Variants in CSMD1 observed in about 807,000 individuals in gnomAD.
CSMD1 encodes the protein CUB and sushi domain-containing protein 1.
Under a neutral mutation model 417.5 loss-of-function variants are expected in CSMD1, and 213 were observed. That is an observed-to-expected ratio of 0.51 (90% CI 0.46 to 0.57). The LOEUF (loss-of-function observed/expected upper bound fraction) is 0.57. Ranked by LOEUF, CSMD1 falls within the 20% of genes least tolerant of loss-of-function variation. The pLI, the probability that CSMD1 is intolerant of heterozygous loss-of-function variation, is 0.00. For missense variants in CSMD1, 6,923 were observed against 4,529.7 expected, an observed-to-expected ratio of 1.53 and a Z score of -15.17; for synonymous variants, 2,862 against 1,736.8, an observed-to-expected ratio of 1.65 and a Z score of -16.11.
At chr8:4,967,395 A>G (rs1022354810) in intron 1 of CSMD1, among the ~76,000 whole-genome samples, 1 of 152,158 alleles carries the variant, frequency 6.6e-6, no homozygotes, top group African/African-American at 2.4e-5. Flanking sequence ...CATTTTGCCT[A>G]TAATACATAT....
chr8:3,978,679 C>A (rs1026180378), intron 5 of CSMD1, among the ~76,000 whole-genome samples: 1 of 152,088 alleles, frequency 6.6e-6, no homozygotes, highest in Non-Finnish European at 1.5e-5. Context: ...TACTCCTGCC[C>A]AACCCGGCTC....
At position 4,219,516 on chromosome 8, in the gene CSMD1, T is replaced by G. The variant is rs1331221947; in HGVS notation, c.416-187417A>C. ...TCTTGGGTGTTCCCAACATTTCTCG[T>G]GAACACCGCAAACGTGACTTAAACA... On this transcript the variant is annotated intron_variant, in intron 3 of 69. Transcript: ENST00000635120. Among the ~76,000 whole-genome samples the G allele has an allele frequency of 2.6e-5, 4 of 152,092 alleles. No individual in the cohort carries two copies. The East Asian group carries it at 7.8e-4, about 30-fold the overall frequency.
intron 41 of CSMD1, among the ~76,000 whole-genome samples, chr8:3,120,336 A>C (rs1304214499): frequency 6.6e-6 from 1 of 152,192 alleles, no homozygotes; most frequent in East Asian, 1.9e-4. Context: ...ACATAAAGAT[A>C]ATGTGAGAAC....
intron 2 of CSMD1, among the ~76,000 whole-genome samples, chr8:4,606,081 G>T (rs1477431677): frequency 1.3e-5 from 2 of 152,084 alleles, no homozygotes; most frequent in Non-Finnish European, 2.9e-5. Context: ...GTGGTGGGAG[G>T]CTATATCTCA....
At chr8:4,601,259 T>A (rs184082301) in intron 2 of CSMD1, among the ~76,000 whole-genome samples, 1 of 152,070 alleles carries the variant, frequency 6.6e-6, no homozygotes, top group Admixed American at 6.6e-5. Context: ...CCTGGCCAGA[T>A]TTTTTTTAAA....
chr8:3,452,925 C>A (rs540835970), intron 12 of CSMD1, among the ~76,000 whole-genome samples: 1 of 152,098 alleles, frequency 6.6e-6, no homozygotes, highest in Non-Finnish European at 1.5e-5. Context: ...TGGTAGAATT[C>A]GGCTGTGAAT....
chr8:4,992,847 G>A (rs1811546967), intron 1 of CSMD1, among the ~76,000 whole-genome samples: 1 of 152,292 alleles, frequency 6.6e-6, no homozygotes, highest in East Asian at 1.9e-4. Context: ...CACGAGCTTG[G>A]GTGACTAAGA....
intron 26 of CSMD1, among the ~76,000 whole-genome samples, chr8:3,233,679 T>G (rs1798982630): frequency 6.6e-6 from 1 of 152,198 alleles, no homozygotes; most frequent in African/African-American, 2.4e-5. Context: ...GATTACAGTC[T>G]GAATCCGATA....
At chr8:3,812,291 A>G (rs557888149) in intron 5 of CSMD1, among the ~76,000 whole-genome samples, 1 of 152,204 alleles carries the variant, frequency 6.6e-6, no homozygotes, top group Non-Finnish European at 1.5e-5. Context: ...TGGGGACTCT[A>G]ATCTCACAGG....
intron 3 of CSMD1, among the ~76,000 whole-genome samples, chr8:4,130,736 C>T (rs1241418658): frequency 1.3e-5 from 2 of 151,890 alleles, no homozygotes; most frequent in African/African-American, 4.8e-5. Context: ...TGTCTATCAA[C>T]TCAAAGGAAG....
In CSMD1 at chr8:4,540,443, C is replaced by G. The variant is rs118029432; in HGVS notation, c.302+96899G>C. Among the ~76,000 whole-genome samples, 260 of 152,236 alleles carry G rather than the reference C, an allele frequency of 1.7e-3. 9 individuals are homozygous for G. The highest frequency in any genetic ancestry group is 2.1e-3 in the Non-Finnish European group (142 of 68,024). On this transcript the variant is annotated intron_variant, in intron 2 of 69. Transcript: ENST00000635120. ...TCAGGCCGGGTGCAGTGGCTCATGCCTGTAATTCCAGGACTTAGGGGAGGC... is the reference window on the plus strand; with the variant it reads ...TCAGGCCGGGTGCAGTGGCTCATGCGTGTAATTCCAGGACTTAGGGGAGGC...
intron 1 of CSMD1, among the ~76,000 whole-genome samples, chr8:4,772,212 C>A (rs975381626): frequency 2.0e-5 from 3 of 152,176 alleles, no homozygotes; most frequent in Non-Finnish European, 4.4e-5. Flanking sequence ...TTCTCTGCTT[C>A]CAGCAGCAGC....
intron 2 of CSMD1, among the ~76,000 whole-genome samples, chr8:4,447,527 A>T (rs966652641): frequency 2.6e-5 from 4 of 152,196 alleles, no homozygotes; most frequent in African/African-American, 9.7e-5. Flanking sequence ...CTCTAATCCA[A>T]ATCCCTCACT....
intron 7 of CSMD1, among the ~76,000 whole-genome samples, chr8:3,656,743 T>A (rs1385033680): frequency 6.6e-5 from 10 of 152,048 alleles, no homozygotes; most frequent in Admixed American, 2.0e-4. Context: ...CTGGCTAACA[T>A]GGCGAAACCC....
intron 6 of CSMD1, among the ~76,000 whole-genome samples, chr8:3,712,432 GACAGACAGAC>G (rs201440775): frequency 3.4e-5 from 5 of 146,642 alleles, no homozygotes; most frequent in Non-Finnish European, 6.1e-5. Flanking sequence ...CAGACAGACA[GACAGACAGAC>G]AGAGAGAGAG....
chr8:3,733,476 C>G (rs966120218), intron 6 of CSMD1, among the ~76,000 whole-genome samples: 3 of 151,590 alleles, frequency 2.0e-5, no homozygotes, highest in Admixed American at 1.3e-4. Context: ...GTTTTGCTTT[C>G]AACGGTTTCA....
intron 5 of CSMD1, among the ~76,000 whole-genome samples, chr8:3,933,658 C>G (rs190496360): frequency 6.8e-4 from 104 of 152,238 alleles, no homozygotes; most frequent in African/African-American, 2.4e-3. Flanking sequence ...TTCAGAAAAA[C>G]AGTTATTATT....
chr8:3,754,791 G>C (rs775325049), intron 5 of CSMD1, among the ~76,000 whole-genome samples: 1 of 152,218 alleles, frequency 6.6e-6, no homozygotes, highest in African/African-American at 2.4e-5. Flanking sequence ...TGAAGTAGAC[G>C]CCAACAAACT....
At chr8:3,993,236 A>C (rs781217657) in intron 5 of CSMD1, among the ~76,000 whole-genome samples, 3 of 152,236 alleles carry the variant, frequency 2.0e-5, no homozygotes, top group Non-Finnish European at 2.9e-5. Flanking sequence ...CTGTAAAATG[A>C]ATTCAAAATA....
Sources: allele counts gnomAD v4.1 joint callset (sites outside exome capture counted in the v4.1 genomes callset), GRCh38; gene constraint gnomAD v4.1.1; transcripts MANE v1.5; gene names NCBI Gene and HGNC (gene_info 2026-07-23, HGNC 2026-07-21).